The following NRCAM variants were observed in gnomAD, a reference collection of about 807,000 sequenced individuals.
The protein encoded by NRCAM is NgCAM-related cell adhesion molecule.
A neutral mutation model predicts 156.5 loss-of-function variants in NRCAM; 83 were observed. The ratio of observed to expected loss-of-function variants is 0.53; its 90% CI spans 0.44 to 0.64. NRCAM has a LOEUF of 0.64. NRCAM is among the 30% of genes least tolerant of loss of function. The pLI is 0.00. For synonymous variants in NRCAM, 538 were observed against 563.9 expected (o/e 0.95, Z 0.65); for missense variants, 1,417 against 1,597.3 (o/e 0.89, Z 1.92).
At chr7:108,166,474 C>T (rs907619382) in intron 30 of NRCAM, among the ~76,000 whole-genome samples, 6 of 152,090 alleles carry the variant, frequency 3.9e-5, no homozygotes, top group Middle Eastern at 3.4e-3. Context: ...TCTCGAACTC[C>T]TGACCTCAGG....
intron 2 of NRCAM, among the ~76,000 whole-genome samples, chr7:108,388,507 G>T (rs1305194800): frequency 6.6e-6 from 1 of 152,132 alleles, no homozygotes; most frequent in African/African-American, 2.4e-5. Context: ...CATTCTGTAG[G>T]TTGCCTGTTC....
intron 32 of NRCAM, among the ~76,000 whole-genome samples, chr7:108,153,033 A>G (rs2042671393): frequency 1.3e-5 from 2 of 152,210 alleles, no homozygotes; most frequent in East Asian, 1.9e-4. Context: ...GGGAAAATCA[A>G]TGGTTCCATT....
chr7:108,435,346 T>C (rs1830748129), intron 1 of NRCAM, among the ~76,000 whole-genome samples: 1 of 152,012 alleles, frequency 6.6e-6, no homozygotes, highest in African/African-American at 2.4e-5. Flanking sequence ...CAACAGAAAT[T>C]ATCTAATTTG....
At chr7:108,313,891 A>G (rs2098840809) in intron 2 of NRCAM, among the ~76,000 whole-genome samples, 1 of 152,188 alleles carries the variant, frequency 6.6e-6, no homozygotes, top group Admixed American at 6.5e-5. Flanking sequence ...ACTTATATTG[A>G]GCACTTAATA....
chr7:108,382,533 C>T lies in NRCAM; in HGVS notation c.-174+16903G>A, dbSNP rs999558181. ...CTGAGGCAGGGGGATTGCTTAAGCC[C>T]AGGAGTTCGAGGCTGCAGTGAGCTA... is the stretch of plus-strand genomic sequence containing the variant. On this transcript the variant is annotated intron_variant, in intron 2 of 32. Coordinates refer to ENST00000379028, the MANE Select transcript of NRCAM (RefSeq NM_001037132.4). Among the ~76,000 whole-genome samples the T allele has an allele frequency of 3.3e-5, 5 of 152,054 alleles. No homozygotes were observed. The South Asian group carries it at 8.3e-4, about 25-fold the overall frequency.
rs59796283 is a variant in NRCAM, at chr7:108,260,087, A to G, written c.-106-19917T>C. Among the ~76,000 whole-genome samples, 948 of 152,030 alleles carry G rather than the reference A, an allele frequency of 6.2e-3. 10 individuals are homozygous for G. Among genetic ancestry groups the G allele is most frequent in the African/African-American group, 0.022 (899 of 41,464 alleles). On this transcript the variant is annotated intron_variant, in intron 3 of 32. Coordinates refer to ENST00000379028, the MANE Select transcript of NRCAM (RefSeq NM_001037132.4). The stretch of plus-strand genomic sequence containing the variant: ...CAATTTCCATGAGGAAGAGTGCCTG[A>G]TATCTTTGCTTTCAGAACCTGGTCC...
At chr7:108,381,561 C>CTTTTTTTTTTTTT (rs71522870) in intron 2 of NRCAM, among the ~76,000 whole-genome samples, 1 of 125,892 alleles carries the variant, frequency 7.9e-6, no homozygotes, top group African/African-American at 3.0e-5. Flanking sequence ...TTTTTTTTTT[C>CTTTTTTTTTTTTT]TTTTTTTTTT....
intron 24 of NRCAM, among the ~76,000 whole-genome samples, chr7:108,180,988 C>A (rs960610857): frequency 5.5e-4 from 83 of 152,270 alleles, no homozygotes; most frequent in African/African-American, 1.9e-3. Flanking sequence ...AATTTTTCCA[C>A]TAAATCAAAC....
intron 3 of NRCAM, among the ~76,000 whole-genome samples, chr7:108,249,925 G>A (rs1012765275): frequency 1.3e-5 from 2 of 152,036 alleles, no homozygotes; most frequent in African/African-American, 2.4e-5. Context: ...GAAATACAGC[G>A]ACCATACAAC....
intron 2 of NRCAM, among the ~76,000 whole-genome samples, chr7:108,341,262 C>G (rs1348316692): frequency 1.3e-5 from 2 of 152,230 alleles, no homozygotes; most frequent in African/African-American, 2.4e-5. Flanking sequence ...GCCAGCCCAA[C>G]CCATCACCCT....
At chr7:108,302,076 TCAA>T (rs1429568968) in intron 3 of NRCAM, among the ~76,000 whole-genome samples, 1 of 151,138 alleles carries the variant, frequency 6.6e-6, no homozygotes, top group Non-Finnish European at 1.5e-5. Flanking sequence ...CCACAACAAA[TCAA>T]CAACAGAAAC....
intron 20 of NRCAM, among the ~76,000 whole-genome samples, chr7:108,187,456 C>T (rs1050840992): frequency 1.4e-4 from 21 of 152,322 alleles, no homozygotes; most frequent in African/African-American, 5.1e-4. Context: ...ACCTCCCTCC[C>T]CTGTCTTGAT....
intron 3 of NRCAM, among the ~76,000 whole-genome samples, chr7:108,268,365 A>C (rs1014045688): frequency 2.0e-5 from 3 of 152,114 alleles, no homozygotes; most frequent in Non-Finnish European, 4.4e-5. Flanking sequence ...AGTGCTCTGA[A>C]AGGGCTACAT....
intron 3 of NRCAM, among the ~76,000 whole-genome samples, chr7:108,260,518 C>G (rs2096851733): frequency 6.6e-6 from 1 of 152,080 alleles, no homozygotes; most frequent in Non-Finnish European, 1.5e-5. Flanking sequence ...ACCACACTCC[C>G]AAGAAGGTGG....
intron 14 of NRCAM, among the ~76,000 whole-genome samples, 194 bp from the exon 15 acceptor site, chr7:108,196,066 C>T (rs1432469431): frequency 6.6e-6 from 1 of 152,172 alleles, no homozygotes; most frequent in Non-Finnish European, 1.5e-5. Flanking sequence ...CTCCCTCTAC[C>T]TCCTGCCCTA....
At chr7:108,311,760 T>C (rs1464301808) in intron 3 of NRCAM, among the ~76,000 whole-genome samples, 1 of 152,156 alleles carries the variant, frequency 6.6e-6, no homozygotes, top group Admixed American at 6.6e-5. Flanking sequence ...GACATCTCAA[T>C]GGATCAGCCT....
chr7:108,312,209 C>T (rs924312854), intron 3 of NRCAM, among the ~76,000 whole-genome samples: 4 of 152,096 alleles, frequency 2.6e-5, no homozygotes, highest in African/African-American at 9.7e-5. Context: ...TATTTTTATT[C>T]TTTGGACTCC....
chr7:108,452,624 T>C (rs1053355870), intron 1 of NRCAM, among the ~76,000 whole-genome samples: 5 of 152,226 alleles, frequency 3.3e-5, no homozygotes, highest in Admixed American at 6.5e-5. Flanking sequence ...GAAAAGCATA[T>C]CTAAATGTAT....
At chr7:108,219,205 A>C (rs2091131228) in intron 11 of NRCAM, among the ~76,000 whole-genome samples, 1 of 151,742 alleles carries the variant, frequency 6.6e-6, no homozygotes, top group Non-Finnish European at 1.5e-5. Context: ...AGCAAGATCA[A>C]AATAGTAATT....
Sources: allele counts gnomAD v4.1 joint callset (sites outside exome capture counted in the v4.1 genomes callset), GRCh38; gene constraint gnomAD v4.1.1; transcripts MANE v1.5; gene names NCBI Gene and HGNC (gene_info 2026-07-23, HGNC 2026-07-21).